The following GOLGA5 variants were observed in gnomAD, a reference collection of about 807,000 sequenced individuals.
GOLGA5 encodes golgin A5.
A neutral mutation model predicts 93.5 loss-of-function variants in GOLGA5; 50 were observed. The observed-to-expected ratio is 0.53, with a 90% CI of 0.43 to 0.68. The LOEUF is 0.68. Ranked by LOEUF, GOLGA5 falls within the 30% of genes least tolerant of loss-of-function variation. The pLI is 0.00. For synonymous variants in GOLGA5, 312 were observed against 304.5 expected (o/e 1.02, Z -0.26); for missense variants, 760 against 856.4 (o/e 0.89, Z 1.40).
At chr14:92,805,628 C>T (rs1401578492) in intron 2 of GOLGA5, among the ~76,000 whole-genome samples, 1 of 152,126 alleles carries the variant, frequency 6.6e-6, no homozygotes, top group Non-Finnish European at 1.5e-5. Context: ...GGTCTAGTTG[C>T]TCTGCAGTGT....
intron 8 of GOLGA5, among the ~76,000 whole-genome samples, chr14:92,824,169 A>T (rs1306339348): frequency 6.6e-6 from 1 of 151,940 alleles, no homozygotes; most frequent in Non-Finnish European, 1.5e-5. Flanking sequence ...ATTGATCTTT[A>T]TCATATATTT....
rs774611277 is a variant in GOLGA5 at position 92,837,509 on chromosome 14, TG to T, written c.2115+61del. 2.5e-4 allele frequency: 199 copies of T among 786,828 alleles called. 1 individual carries two copies. Among genetic ancestry groups the T allele is most frequent in the African/African-American group, 7.4e-4 (43 of 57,742 alleles). The allele number at this position is 786,828 out of a possible 1,614,324, so 48.7% of individuals were successfully genotyped here. A position where few individuals can be genotyped will look rare whatever the true frequency, so the allele number is the denominator to read the frequency against. On this transcript the variant is annotated intron_variant, in intron 12 of 12. Coordinates refer to ENST00000163416, the MANE Select transcript of GOLGA5 (RefSeq NM_005113.4). ...TTGATTTTTAACTAGTTTTTTTTTT[TG>T]TTTGTTTGTTTGTTTTGGCTACAGA...
chr14:92,838,453 C>T (rs1885691212), intron 12 of GOLGA5, among the ~76,000 whole-genome samples: 1 of 151,970 alleles, frequency 6.6e-6, no homozygotes, highest in Non-Finnish European at 1.5e-5. Flanking sequence ...CTGCATTCTC[C>T]ACCTCCCAGG....
In GOLGA5 at chr14:92,835,630, G is replaced by C; in HGVS notation, c.2017G>C (p.Val673Leu). The C allele has an allele frequency of 1.2e-6, 2 of 1,613,216 alleles. No individual in the cohort carries two copies. Among genetic ancestry groups the C allele is most frequent in the Non-Finnish European group, 1.7e-6 (2 of 1,179,240 alleles). Residue 673 changes from valine (V) to leucine (L), a missense_variant, in exon 11 of 13, where the codon GTT becomes CTT. Physicochemically the swap from Val to Leu is conservative, Grantham distance 32. Transcript: ENST00000163416. ...TAATCTGGCAGGAATGTACGGAAAA[G>C]TTCGCAAAGCTGCTAGTTCAATTGA... The part of the protein sequence containing the change: ...ETNLAGMYGK[V>L]RKAASSIDQF...
rs747146586 is a variant in GOLGA5, at chr14:92,837,472, A to C, written c.2115+23A>C. The stretch of plus-strand genomic sequence containing the variant: ...ATGGTAAGTAAATTTATTTGAAAAA[A>C]CAATGATGCACTTGATTTTTAACTA... On this transcript the variant is annotated intron_variant, in intron 12 of 12. Transcript: ENST00000163416. 12 of 963,526 alleles carry C rather than the reference A, an allele frequency of 1.2e-5. No individual in the cohort carries two copies. The East Asian group carries it at 2.6e-4, about 21-fold the overall frequency. The allele number at this position is 963,526 out of a possible 1,614,324, so 59.7% of individuals were successfully genotyped here.
At chr14:92,820,874 C>T (rs1322494419) in intron 8 of GOLGA5, among the ~76,000 whole-genome samples, 3 of 152,200 alleles carry the variant, frequency 2.0e-5, no homozygotes, top group Non-Finnish European at 2.9e-5. Flanking sequence ...AACAGCATCT[C>T]AGGGCAAAGC....
chr14:92,806,315 A>G (rs1309215500), intron 2 of GOLGA5, among the ~76,000 whole-genome samples: 1 of 152,022 alleles, frequency 6.6e-6, no homozygotes, highest in Non-Finnish European at 1.5e-5. Flanking sequence ...TTGTTTATTT[A>G]TGTATTTTTT....
Position 92,816,433 on chromosome 14 carries a change from G to T in GOLGA5, c.1491+12G>T. 1 of 1,612,314 alleles carries T rather than the reference G, an allele frequency of 6.2e-7. No homozygotes were observed. The highest frequency in any genetic ancestry group is 8.5e-7 in the Non-Finnish European group (1 of 1,178,592). On this transcript the variant is annotated intron_variant, in intron 7 of 12. Coordinates refer to ENST00000163416, the MANE Select transcript of GOLGA5 (RefSeq NM_005113.4). ...GATCCGAATTACAGGTAAGATTCAT[G>T]GTGGTTCAGCTTAGTAGACACCATT... is the stretch of plus-strand genomic sequence containing the variant.
intron 8 of GOLGA5, among the ~76,000 whole-genome samples, chr14:92,820,961 CTCTT>C (rs746092914): frequency 1.6e-4 from 25 of 152,096 alleles, no homozygotes; most frequent in African/African-American, 4.3e-4. Flanking sequence ...AGTCTGATCT[CTCTT>C]TCTTTTCCCT....
chr14:92,821,392 T>C (rs1230458270), intron 8 of GOLGA5, among the ~76,000 whole-genome samples: 1 of 152,202 alleles, frequency 6.6e-6, no homozygotes, highest in Non-Finnish European at 1.5e-5. Flanking sequence ...TTTACTTTAA[T>C]GTACTCATAT....
rs1159316467 is a variant in GOLGA5 at position 92,837,378 on chromosome 14, C to G, written c.2052-8C>G. The G allele has an allele frequency of 6.8e-7, 1 of 1,477,858 alleles. No homozygotes were observed. Among genetic ancestry groups the G allele is most frequent in the Non-Finnish European group, 9.5e-7 (1 of 1,058,154 alleles). The allele number at this position is 1,477,858 out of a possible 1,614,324, so 91.5% of individuals were successfully genotyped here. On this transcript the variant is annotated splice_polypyrimidine_tract_variant and splice_region_variant and intron_variant, in intron 11 of 12. Transcript: ENST00000163416. ...TCTCCTCTCCCCCTCACACCTGTGT[C>G]TGCACAGTATTCGCCTGGGAATTTT...
At chr14:92,836,814 A>G (rs1259195259) in intron 11 of GOLGA5, among the ~76,000 whole-genome samples, 2 of 152,194 alleles carry the variant, frequency 1.3e-5, no homozygotes, top group African/African-American at 2.4e-5. Flanking sequence ...CTGTAATCCC[A>G]GCACTTTGGG....
chr14:92,810,408 T>C (rs1391262452), intron 5 of GOLGA5, 31 bp downstream of exon 5: 1 of 1,493,120 alleles, frequency 6.7e-7, no homozygotes, highest in East Asian at 2.5e-5. Flanking sequence ...ATTCCTATTG[T>C]TACTTGGACA....
At chr14:92,801,551 A>G (rs969188025) in intron 2 of GOLGA5, among the ~76,000 whole-genome samples, 8 of 151,814 alleles carry the variant, frequency 5.3e-5, no homozygotes, top group Non-Finnish European at 1.2e-4. Flanking sequence ...TTCCTCCTCC[A>G]GTTTTACCTT....
At chr14:92,805,694 C>T (rs888619809) in intron 2 of GOLGA5, among the ~76,000 whole-genome samples, 6 of 152,082 alleles carry the variant, frequency 3.9e-5, no homozygotes, top group East Asian at 1.9e-4. Context: ...TGTTGGTTCT[C>T]ATTGTGATTT....
At chr14:92,835,020 A>T (rs2140337624) in intron 10 of GOLGA5, among the ~76,000 whole-genome samples, 1 of 152,306 alleles carries the variant, frequency 6.6e-6, no homozygotes, top group South Asian at 2.1e-4. Flanking sequence ...GCCTGAGCAG[A>T]TGGAAGGATT....
rs548037504 is a variant in GOLGA5, at chr14:92,810,130, T to C, written c.993-124T>C. The stretch of plus-strand genomic sequence containing the variant: ...TTCCATTAGAAAGGAAAGATTTATC[T>C]AAGAATATTTCAGTCAAATTATCTT... On this transcript the variant is annotated intron_variant, in intron 4 of 12. Transcript: ENST00000163416. The C allele has an allele frequency of 1.8e-4, 115 of 646,912 alleles. No individual in the cohort carries two copies. The South Asian group carries it at 1.9e-3, about 11-fold the overall frequency. 40.1% of individuals were successfully genotyped at this position (646,912 alleles called of 1,614,324 possible).
chr14:92,805,936 GTC>G (rs1414393138), intron 2 of GOLGA5, among the ~76,000 whole-genome samples: 1 of 145,512 alleles, frequency 6.9e-6, no homozygotes, highest in Non-Finnish European at 1.5e-5. Context: ...GAATTCATGT[GTC>G]TCTATCTCTT....
chr14:92,826,781 T>TA (rs1331277405), intron 9 of GOLGA5, among the ~76,000 whole-genome samples: 1 of 152,084 alleles, frequency 6.6e-6, no homozygotes, highest in African/African-American at 2.4e-5. Context: ...CCTTTATTTT[T>TA]ATCCCCTAAT....
Sources: gnomAD v4.1 joint callset for allele counts (sites outside exome capture counted in the v4.1 genomes callset) on GRCh38, gnomAD v4.1.1 for gene constraint, MANE v1.5 for transcripts, NCBI Gene and HGNC (gene_info 2026-07-23, HGNC 2026-07-21) for gene names.